Variants in CACNA1C observed in about 807,000 individuals in gnomAD.
CACNA1C encodes the protein voltage-dependent L-type calcium channel subunit alpha-1C.
A neutral mutation model predicts 229.0 loss-of-function variants in CACNA1C; 30 were observed. The ratio of observed to expected loss-of-function variants is 0.13; its 90% CI spans 0.10 to 0.18. The LOEUF is 0.18. Among genes scored for constraint, CACNA1C ranks in the 10% least tolerant of loss-of-function variants. The pLI, the probability that CACNA1C is intolerant of heterozygous loss-of-function variation, is 1.00. For missense variants in CACNA1C, 1,658 were observed against 2,845.0 expected (o/e 0.58, Z 9.49); for synonymous variants, 1,114 against 1,132.5 (o/e 0.98, Z 0.33).
Position 2,643,637 on chromosome 12 carries a change from T to C in CACNA1C, c.3913-4838T>C, listed in dbSNP as rs375525553. Among the ~76,000 whole-genome samples, 11 of 152,292 alleles carry C rather than the reference T, an allele frequency of 7.2e-5. 1 individual carries two copies. The East Asian group carries it at 1.7e-3, about 24-fold the overall frequency. Reference sequence around the variant, plus strand: ...GCTGCCATACCCAGTGGCTCCAAGATTCAGCACCTCCCGACTCCTCCTGAG... The same window carrying C: ...GCTGCCATACCCAGTGGCTCCAAGACTCAGCACCTCCCGACTCCTCCTGAG... On this transcript the variant is annotated intron_variant, in intron 30 of 46. Coordinates refer to ENST00000399655, the MANE Select transcript of CACNA1C (RefSeq NM_000719.7).
At chr12:2,522,988 G>C (rs1409906074) in intron 9 of CACNA1C, among the ~76,000 whole-genome samples, 1 of 152,102 alleles carries the variant, frequency 6.6e-6, no homozygotes, top group Non-Finnish European at 1.5e-5. Context: ...CCTCACGAAT[G>C]CCCTTCTCTT....
Position 2,677,623 on chromosome 12 carries a change from T to G in CACNA1C, c.4957-110T>G, listed in dbSNP as rs1603449275. On this transcript the variant is annotated intron_variant, in intron 40 of 46. Transcript: ENST00000399655. This position sits in a 1 kb window ranked among gnomAD's most constrained non-coding sequence, Gnocchi z 7.4. Reference sequence around the variant, plus strand: ...CCTTCCGGAGGGTCGACTGGCTGGGTGGAGGATGCCAGGGCCCTGGAGGGA... The same window carrying G: ...CCTTCCGGAGGGTCGACTGGCTGGGGGGAGGATGCCAGGGCCCTGGAGGGA... The G allele has an allele frequency of 1.6e-6, 2 of 1,252,952 alleles. No individual in the cohort carries two copies. Among genetic ancestry groups the G allele is most frequent in the Non-Finnish European group, 1.1e-6 (1 of 890,840 alleles). 77.6% of individuals were successfully genotyped at this position (1,252,952 alleles called of 1,614,324 possible). A position where few individuals can be genotyped will look rare whatever the true frequency, so the allele number is the denominator to read the frequency against.
At chr12:2,468,466 C>A (rs1382362916) in intron 5 of CACNA1C, among the ~76,000 whole-genome samples, 1 of 149,456 alleles carries the variant, frequency 6.7e-6, no homozygotes, top group Non-Finnish European at 1.5e-5. Context: ...GGACGTTATC[C>A]CTAATTTAGA....
chr12:2,325,466 A>G (rs144103839), intron 3 of CACNA1C, among the ~76,000 whole-genome samples: 3 of 152,358 alleles, frequency 2.0e-5, no homozygotes, highest in Non-Finnish European at 2.9e-5. Flanking sequence ...GGTACATGGT[A>G]TATGGTTTAT....
At position 2,550,066 on chromosome 12, in the gene CACNA1C, CT is replaced by C. The variant is rs768541359; in HGVS notation, c.1481+38del. On this transcript the variant is annotated intron_variant, in intron 10 of 46. Transcript: ENST00000399655. Reference sequence around the variant, plus strand: ...GGCACGGCGAGCCCAGGGGCTGGGGCTTTTTCTGGAGCATGGGTGGAAAAGC... The same window carrying C: ...GGCACGGCGAGCCCAGGGGCTGGGGCTTTTCTGGAGCATGGGTGGAAAAGC... 19 of 1,421,412 alleles carry C rather than the reference CT, an allele frequency of 1.3e-5. No individual in the cohort carries two copies. The South Asian group carries it at 2.1e-4, about 15-fold the overall frequency. 88.0% of individuals were successfully genotyped at this position (1,421,412 alleles called of 1,614,324 possible).
intron 3 of CACNA1C, among the ~76,000 whole-genome samples, chr12:2,176,504 T>G (rs1010279340): frequency 1.3e-5 from 2 of 151,066 alleles, no homozygotes; most frequent in African/African-American, 2.4e-5. Flanking sequence ...GAGTTTAGGC[T>G]TGAAAGCAGA....
At chr12:2,102,449 T>G (rs931745685) in intron 1 of CACNA1C, among the ~76,000 whole-genome samples, 1 of 152,144 alleles carries the variant, frequency 6.6e-6, no homozygotes, top group Non-Finnish European at 1.5e-5. Flanking sequence ...AGTGTCTGGG[T>G]CCCCTCAGTG....
At chr12:2,281,187 G>A (rs2091150799) in intron 3 of CACNA1C, among the ~76,000 whole-genome samples, 2 of 140,256 alleles carry the variant, frequency 1.4e-5, no homozygotes, top group South Asian at 2.2e-4. Context: ...CATATAGTAC[G>A]GGAACTTCAC....
intron 9 of CACNA1C, among the ~76,000 whole-genome samples, chr12:2,514,774 G>A (rs890982974): frequency 5.9e-5 from 9 of 152,092 alleles, no homozygotes; most frequent in Admixed American, 3.3e-4. Flanking sequence ...ATAACAGAAC[G>A]TTGCTATTCT....
intron 3 of CACNA1C, among the ~76,000 whole-genome samples, chr12:2,154,066 TTC>T (rs1389231942): frequency 1.3e-5 from 2 of 152,200 alleles, no homozygotes. Flanking sequence ...TCCCGGCCTC[TTC>T]TCTCACTCGA....
chr12:2,434,594 G>T (rs1191869455), intron 3 of CACNA1C, among the ~76,000 whole-genome samples: 1 of 152,178 alleles, frequency 6.6e-6, no homozygotes, highest in Non-Finnish European at 1.5e-5. Flanking sequence ...AGGGGAGTGG[G>T]GATTATCCAG....
chr12:2,119,277 G>T (rs550725016), intron 2 of CACNA1C, among the ~76,000 whole-genome samples: 2 of 151,518 alleles, frequency 1.3e-5, no homozygotes, highest in Non-Finnish European at 2.9e-5. Context: ...CCTTCACCCC[G>T]GATCTCCACC....
intron 3 of CACNA1C, among the ~76,000 whole-genome samples, chr12:2,140,929 T>C (rs1455470725): frequency 6.6e-6 from 1 of 150,764 alleles, no homozygotes; most frequent in Admixed American, 6.7e-5. Context: ...ATGGAGAAAG[T>C]AAAGGAGATA....
At chr12:2,519,285 G>A (rs1490180819) in intron 9 of CACNA1C, among the ~76,000 whole-genome samples, 1 of 152,238 alleles carries the variant, frequency 6.6e-6, no homozygotes, top group Non-Finnish European at 1.5e-5. Flanking sequence ...GCACATATGA[G>A]TCACACGAAC....
rs747587941 is a variant in CACNA1C at position 2,686,217 on chromosome 12, G to A, written c.5732G>A (p.Gly1911Glu). 5 of 1,613,752 alleles carry A rather than the reference G, an allele frequency of 3.1e-6. No homozygotes were observed. Among genetic ancestry groups the A allele is most frequent in the East Asian group, 4.5e-5 (2 of 44,888 alleles). The change falls in exon 45 of 47, where the codon GGG (glycine) becomes GAG (glutamate). Residue 1911 changes from glycine (G) to glutamate (E), a missense_variant. Physicochemically the swap from Gly to Glu is moderately conservative, Grantham distance 98 (BLOSUM62 -2). This residue lies in a region of CACNA1C where 590 missense variants were observed against 700.8 expected (regional missense o/e 0.84). Coordinates refer to ENST00000399655, the MANE Select transcript of CACNA1C (RefSeq NM_000719.7). The stretch of plus-strand genomic sequence containing the variant: ...TGTCTGAAGCGACAGAAGGACCGAG[G>A]GGGAGACATCTCTCAGAAGACAGTC... ...LECLKRQKDR[G>E]GDISQKTVLP... is the part of the protein sequence containing the mutation.
intron 3 of CACNA1C, among the ~76,000 whole-genome samples, chr12:2,243,567 G>A (rs993101036): frequency 1.3e-5 from 2 of 152,218 alleles, no homozygotes; most frequent in African/African-American, 2.4e-5. Context: ...ATGACATAGT[G>A]GAAATGGCAT....
Position 2,467,941 on chromosome 12 carries a change from G to A in CACNA1C, c.757+10235G>A, listed in dbSNP as rs1323387678. 2.0e-5 allele frequency among the ~76,000 whole-genome samples: 3 copies of A among 152,204 alleles called. No homozygotes were observed. The highest frequency in any genetic ancestry group is 2.0e-4 in the Admixed American group (3 of 15,282). On this transcript the variant is annotated intron_variant, in intron 5 of 46. Coordinates refer to ENST00000399655, the MANE Select transcript of CACNA1C (RefSeq NM_000719.7). The surrounding 1 kb of genome is among the most constrained non-coding windows in gnomAD (Gnocchi z 4.6). Reference sequence around the variant, plus strand: ...AAGAGTGAGTGATGGGGGTGCCATGGATAAGGAGGAGATTCTACCTGTGCA... The same window carrying A: ...AAGAGTGAGTGATGGGGGTGCCATGAATAAGGAGGAGATTCTACCTGTGCA...
chr12:2,385,461 A>G (rs1020725478), intron 3 of CACNA1C, among the ~76,000 whole-genome samples: 2 of 151,652 alleles, frequency 1.3e-5, no homozygotes, highest in Non-Finnish European at 2.9e-5. Flanking sequence ...TATCCCCCTC[A>G]CCTTATCCAC....
At position 2,649,191 on chromosome 12, in the gene CACNA1C, G is replaced by T. The variant is rs2094655566; in HGVS notation, c.3945+684G>T. On this transcript the variant is annotated intron_variant, in intron 31 of 46. Coordinates refer to ENST00000399655, the MANE Select transcript of CACNA1C (RefSeq NM_000719.7). The surrounding 1 kb of genome is among the most constrained non-coding windows in gnomAD (Gnocchi z 4.4). Reference sequence around the variant, plus strand: ...CTCCGTTGATTGGACCACTCCTGTTGTAGGAGTCTCTGATTCGCGTTGGTT... The same window carrying T: ...CTCCGTTGATTGGACCACTCCTGTTTTAGGAGTCTCTGATTCGCGTTGGTT... Among the ~76,000 whole-genome samples, 1 of 152,338 alleles carries T rather than the reference G, an allele frequency of 6.6e-6. No homozygotes were observed. The highest frequency in any genetic ancestry group is 2.4e-5 in the African/African-American group (1 of 41,576).
Sources: allele counts gnomAD v4.1 joint callset (sites outside exome capture counted in the v4.1 genomes callset), GRCh38; gene constraint gnomAD v4.1.1; regional missense constraint gnomAD v4.1.1; non-coding constraint Gnocchi (gnomAD v3.1); transcripts MANE v1.5; gene names NCBI Gene and HGNC (gene_info 2026-07-23, HGNC 2026-07-21).